Variants in ANK3 observed in about 807,000 individuals in gnomAD.
ANK3 encodes ankyrin-3.
In ANK3, 57 loss-of-function variants were observed where a neutral mutation model predicts 370.9. That is an observed-to-expected ratio of 0.15 (90% CI 0.12 to 0.19). ANK3 has a LOEUF of 0.19. Ranked by LOEUF, ANK3 falls within the 10% of genes least tolerant of loss-of-function variation. The pLI, the probability that ANK3 is intolerant of heterozygous loss-of-function variation, is 1.00. For synonymous variants in ANK3, 1,929 were observed against 1,946.3 expected, an observed-to-expected ratio of 0.99 and a Z score of 0.23; for missense variants, 4,439 against 5,302.1, an observed-to-expected ratio of 0.84 and a Z score of 5.06.
At chr10:60,294,659 GTTC>G (rs1408222797) in intron 1 of ANK3, among the ~76,000 whole-genome samples, 1 of 151,976 alleles carries the variant, frequency 6.6e-6, no homozygotes, top group African/African-American at 2.4e-5. Flanking sequence ...AGCTAAAGAA[GTTC>G]TTATTTGAAT....
At chr10:60,264,845 A>G (rs2132652692) in intron 5 of ANK3, among the ~76,000 whole-genome samples, 1 of 152,272 alleles carries the variant, frequency 6.6e-6, no homozygotes, top group South Asian at 2.1e-4. Flanking sequence ...GCTTTATGAA[A>G]GATCTATAGA....
chr10:60,079,364 T>C (rs1328914125), intron 36 of ANK3, among the ~76,000 whole-genome samples: 2 of 152,210 alleles, frequency 1.3e-5, no homozygotes, highest in Admixed American at 1.3e-4. Flanking sequence ...ATTTCTCTTA[T>C]ATTCTCCATT....
intron 20 of ANK3, 64 bp downstream of exon 20, chr10:60,172,836 A>C: frequency 2.0e-6 from 2 of 1,018,638 alleles, no homozygotes; most frequent in Non-Finnish European, 3.0e-6. Flanking sequence ...AAACGTAAGA[A>C]GACACCAGAG....
chr10:60,308,555 C>T lies in ANK3; in HGVS notation c.115-28916G>A, dbSNP rs186081762. On this transcript the variant is annotated intron_variant, in intron 1 of 43. Coordinates refer to ENST00000280772, the MANE Select transcript of ANK3 (RefSeq NM_020987.5). ...CCTCCCAAATTGCTGGGATTACAGA[C>T]GTGAACCACTGTGCCTGGCCGGAAT... Among the ~76,000 whole-genome samples the T allele has an allele frequency of 2.6e-5, 4 of 152,174 alleles. No individual in the cohort carries two copies. In the East Asian group the frequency reaches 5.8e-4, roughly 22 times the overall value.
chr10:60,134,742 TG>T (rs2132188646), intron 24 of ANK3, among the ~76,000 whole-genome samples: 1 of 152,352 alleles, frequency 6.6e-6, no homozygotes, highest in South Asian at 2.1e-4. Context: ...TTCTGGTCTA[TG>T]TCTACTTGAC....
intron 2 of ANK3, among the ~76,000 whole-genome samples, chr10:60,532,780 A>G (rs942872890): frequency 6.6e-6 from 1 of 152,124 alleles, no homozygotes; most frequent in East Asian, 1.9e-4. Flanking sequence ...CACCAAGTAT[A>G]ATAAATGTTG....
At chr10:60,661,173 A>C (rs1335822110) in intron 1 of ANK3, among the ~76,000 whole-genome samples, 1 of 150,814 alleles carries the variant, frequency 6.6e-6, no homozygotes, top group Non-Finnish European at 1.5e-5. Flanking sequence ...TTTTTTTTTC[A>C]AACACTGTCA....
intron 7 of ANK3, among the ~76,000 whole-genome samples, chr10:60,247,636 G>A (rs978576783): frequency 4.6e-5 from 7 of 152,072 alleles, no homozygotes; most frequent in Admixed American, 4.6e-4. Context: ...TTTTGTGACT[G>A]GCTTATTTCA....
rs1004762297 is a variant in ANK3, at chr10:60,026,420, T to C, written c.*3426A>G. The C allele has an allele frequency of 1.3e-5, 2 of 152,204 alleles. No individual in the cohort carries two copies. Among genetic ancestry groups the C allele is most frequent in the African/African-American group, 4.8e-5 (2 of 41,440 alleles). 9.4% of individuals were successfully genotyped at this position (152,204 alleles called of 1,614,324 possible). A position where few individuals can be genotyped will look rare whatever the true frequency, so the allele number is the denominator to read the frequency against. ...ATATGTCACAGCCTCTTCAAGCAAA[T>C]CAAGAATACCAAGACTCACTCAGAT... On this transcript the variant is annotated 3_prime_UTR_variant, in exon 44 of 44. Transcript: ENST00000280772.
rs2132402017 is a variant in ANK3 at position 60,196,244 on chromosome 10, C to T, written c.1789-1G>A. 6.2e-7 allele frequency: 1 copy of T among 1,613,564 alleles called. No individual in the cohort carries two copies. Among genetic ancestry groups the T allele is most frequent in the Non-Finnish European group, 8.5e-7 (1 of 1,179,714 alleles). ...CTACATGCAGTGGTGTTAGCCCGCTCTGAAAACACGTGCAGAAACAACAAC... is the reference window on the plus strand; with the variant it reads ...CTACATGCAGTGGTGTTAGCCCGCTTTGAAAACACGTGCAGAAACAACAAC... On this transcript the variant is annotated splice_acceptor_variant, in intron 15 of 43. Coordinates refer to ENST00000280772, the MANE Select transcript of ANK3 (RefSeq NM_020987.5). LOFTEE classifies it high-confidence loss of function.
Position 60,157,881 on chromosome 10 carries a change from AG to A in ANK3, c.2614+8709del, listed in dbSNP as rs1441344087. 3.8e-4 allele frequency among the ~76,000 whole-genome samples: 39 copies of A among 102,580 alleles called. No homozygotes were observed. In the East Asian group the frequency reaches 8.1e-3, roughly 21 times the overall value. The allele number at this position is 102,580 out of a possible 152,430, so 67.3% of individuals were successfully genotyped here. On this transcript the variant is annotated intron_variant, in intron 23 of 43. Coordinates refer to ENST00000280772, the MANE Select transcript of ANK3 (RefSeq NM_020987.5). Reference sequence around the variant, plus strand: ...AGAATGGAGAGACAGAGAGAGAGAGAGAAAAAGAGAGAGAGAGAGAGAGAGA... The same window carrying A: ...AGAATGGAGAGACAGAGAGAGAGAGAAAAAAGAGAGAGAGAGAGAGAGAGA...
intron 16 of ANK3, among the ~76,000 whole-genome samples, chr10:60,192,485 T>TAC (rs1230274256): frequency 2.0e-5 from 3 of 151,214 alleles, no homozygotes; most frequent in Admixed American, 6.6e-5. Flanking sequence ...CACACATAAA[T>TAC]ACACACACAC....
At chr10:60,261,231 T>G (rs975696860) in intron 7 of ANK3, among the ~76,000 whole-genome samples, 1 of 152,184 alleles carries the variant, frequency 6.6e-6, no homozygotes, top group African/African-American at 2.4e-5. Context: ...CCAACAGTGT[T>G]TCTGATGGTC....
At chr10:60,581,988 G>A (rs2077760878) in intron 2 of ANK3, among the ~76,000 whole-genome samples, 1 of 152,068 alleles carries the variant, frequency 6.6e-6, no homozygotes, top group Non-Finnish European at 1.5e-5. Context: ...GGATGAAGCT[G>A]GAAACCATCA....
intron 1 of ANK3, among the ~76,000 whole-genome samples, chr10:60,712,966 C>T (rs2079730655): frequency 6.6e-6 from 1 of 152,060 alleles, no homozygotes; most frequent in South Asian, 2.1e-4. Flanking sequence ...AAGGCAAAAA[C>T]TAAAAGAACA....
intron 2 of ANK3, among the ~76,000 whole-genome samples, chr10:60,421,690 A>G (rs372805693): frequency 6.6e-6 from 1 of 152,212 alleles, no homozygotes; most frequent in South Asian, 2.1e-4. Context: ...ATAAGTAGAC[A>G]GGCACTCCAA....
At chr10:60,176,179 C>CAAAAAAA (rs1328240039) in intron 18 of ANK3, among the ~76,000 whole-genome samples, 8 of 80,082 alleles carry the variant, frequency 1.0e-4, no homozygotes, top group Non-Finnish European at 1.3e-4. Flanking sequence ...GCTAAAAATA[C>CAAAAAAA]AAAAAAAAAA....
At chr10:60,350,767 C>T (rs2056686235) in intron 1 of ANK3, among the ~76,000 whole-genome samples, 1 of 152,078 alleles carries the variant, frequency 6.6e-6, no homozygotes, top group Non-Finnish European at 1.5e-5. Context: ...GAAAAGGATC[C>T]CAGGAAAGGT....
chr10:60,276,984 C>G (rs1339825902), intron 4 of ANK3, among the ~76,000 whole-genome samples: 69 of 152,186 alleles, frequency 4.5e-4, no homozygotes, highest in Non-Finnish European at 5.9e-5. Context: ...AATTTTACAT[C>G]ATTCCTTTCT....
Sources: gnomAD v4.1 joint callset for allele counts (sites outside exome capture counted in the v4.1 genomes callset) on GRCh38, gnomAD v4.1.1 for gene constraint, MANE v1.5 for transcripts, NCBI Gene and HGNC (gene_info 2026-07-23, HGNC 2026-07-21) for gene names.